Variants in ARHGEF7 observed in about 807,000 individuals in gnomAD.
The protein encoded by ARHGEF7 is Rho guanine nucleotide exchange factor 7.
In ARHGEF7, 33 loss-of-function variants were observed where a neutral mutation model predicts 109.8. The ratio of observed to expected loss-of-function variants is 0.30; its 90% CI spans 0.23 to 0.40. The LOEUF is 0.40. ARHGEF7 is among the 10% of genes least tolerant of loss of function. ARHGEF7 has a pLI of 1.00. For synonymous variants in ARHGEF7, 458 were observed against 424.6 expected, an observed-to-expected ratio of 1.08 and a Z score of -0.97; for missense variants, 938 against 1,098.5, an observed-to-expected ratio of 0.85 and a Z score of 2.07.
In ARHGEF7 at chr13:111,259,288, C is replaced by T. The variant is rs2090824014; in HGVS notation, c.951-8260C>T. On this transcript the variant is annotated intron_variant, in intron 8 of 21. Transcript: ENST00000646102. ...CATGGGCCTTGGGTGCAGTCCAGTG[C>T]TTTGCTGGCTTCAGGTGTGAACCAG... Among the ~76,000 whole-genome samples, 3 of 152,114 alleles carry T rather than the reference C, an allele frequency of 2.0e-5. No homozygotes were observed. The South Asian group carries it at 6.2e-4, about 32-fold the overall frequency.
chr13:111,205,314 AG>A lies in ARHGEF7; in HGVS notation c.282del (p.Gln95ArgfsTer10). On this transcript the variant is annotated frameshift_variant, in exon 3 of 22. Transcript: ENST00000646102. LOFTEE classifies it high-confidence loss of function. The stretch of plus-strand genomic sequence containing the variant: ...ACGTTTGATGCAAATGATTTGTATC[AG>A]GGGCAGAATTTTAACAAGGTCCTCA... Reference protein sequence around the residue: ...LETFDANDLYQGQNFNKVLSS... With the variant: ...LETFDANDLYXGQNFNKVLSS... The A allele has an allele frequency of 1.2e-6, 2 of 1,602,754 alleles. No homozygotes were observed. Among genetic ancestry groups the A allele is most frequent in the Non-Finnish European group, 1.7e-6 (2 of 1,177,442 alleles).
chr13:111,140,184 G>A (rs1315272411), intron 1 of ARHGEF7, among the ~76,000 whole-genome samples: 5 of 152,194 alleles, frequency 3.3e-5, no homozygotes, highest in Non-Finnish European at 7.3e-5. Context: ...GTGCCTGTCT[G>A]TATATGCCAT....
chr13:111,122,499 C>A (rs368689963), intron 1 of ARHGEF7, among the ~76,000 whole-genome samples: 27 of 152,306 alleles, frequency 1.8e-4, no homozygotes, highest in African/African-American at 6.5e-4. Context: ...AGGTTTGATG[C>A]ACCAGGCTGG....
chr13:111,301,519 A>G lies in ARHGEF7; in HGVS notation c.2453A>G (p.Gln818Arg), dbSNP rs777533273. 6.2e-7 allele frequency: 1 copy of G among 1,611,918 alleles called. No individual in the cohort carries two copies. The highest frequency in any genetic ancestry group is 8.5e-7 in the Non-Finnish European group (1 of 1,178,132). ...GTATATGCATTAAAGGATGAAGTTC[A>G]AGAATTAAGACAGGTACGTCATAAT... ...DTVYALKDEV[Q>R]ELRQDNKKMK... The change falls in exon 21 of 22, where the codon CAA (glutamine) becomes CGA (arginine). Residue 818 changes from glutamine to arginine, a missense_variant. Coordinates refer to ENST00000646102, the MANE Select transcript of ARHGEF7 (RefSeq NM_001354046.2).
intron 19 of ARHGEF7, among the ~76,000 whole-genome samples, chr13:111,299,483 T>C (rs997239162): frequency 1.3e-5 from 2 of 151,564 alleles, no homozygotes; most frequent in Non-Finnish European, 2.9e-5. Context: ...GCTGGGACTA[T>C]AGGCGCCTGC....
chr13:111,163,328 T>G (rs2076888893), intron 2 of ARHGEF7, among the ~76,000 whole-genome samples: 1 of 152,204 alleles, frequency 6.6e-6, no homozygotes, highest in Admixed American at 6.5e-5. Context: ...CTTAGTGCCT[T>G]GCTGTACTGT....
chr13:111,234,841 C>T (rs968334722), intron 6 of ARHGEF7, among the ~76,000 whole-genome samples: 5 of 151,906 alleles, frequency 3.3e-5, no homozygotes, highest in African/African-American at 1.2e-4. Flanking sequence ...GCCCACATTA[C>T]CCGAGACACC....
chr13:111,246,379 G>A (rs540592712), intron 8 of ARHGEF7, among the ~76,000 whole-genome samples: 3 of 152,262 alleles, frequency 2.0e-5, no homozygotes, highest in African/African-American at 7.2e-5. Flanking sequence ...ACGTGGTGAG[G>A]GAGTGGCCTT....
chr13:111,188,324 C>T (rs1159902827), intron 2 of ARHGEF7, among the ~76,000 whole-genome samples: 2 of 152,192 alleles, frequency 1.3e-5, no homozygotes, highest in East Asian at 1.9e-4. Flanking sequence ...CTGCCCTGAA[C>T]GCTGACACGC....
chr13:111,285,168 C>T (rs1182487629), intron 16 of ARHGEF7, among the ~76,000 whole-genome samples: 1 of 152,214 alleles, frequency 6.6e-6, no homozygotes. Flanking sequence ...AACTCACCCC[C>T]ATCACCTTCC....
chr13:111,293,041 G>T (rs763611502), intron 19 of ARHGEF7: 35 of 985,378 alleles, frequency 3.6e-5, no homozygotes, highest in Non-Finnish European at 4.0e-5. Flanking sequence ...ATGTTCACTC[G>T]CATCTTCACC....
chr13:111,249,105 A>G (rs1276354607), intron 8 of ARHGEF7, among the ~76,000 whole-genome samples: 2 of 152,160 alleles, frequency 1.3e-5, no homozygotes, highest in African/African-American at 2.4e-5. Context: ...TTAGAGACAG[A>G]ATTCAGGGTC....
chr13:111,242,759 T>C (rs888999667), intron 6 of ARHGEF7, among the ~76,000 whole-genome samples: 2 of 152,230 alleles, frequency 1.3e-5, no homozygotes, highest in Non-Finnish European at 2.9e-5. Flanking sequence ...GGCTCTGCTT[T>C]TCTCAGCTGT....
chr13:111,152,033 A>G (rs192645180), intron 1 of ARHGEF7, among the ~76,000 whole-genome samples: 1 of 152,230 alleles, frequency 6.6e-6, no homozygotes, highest in Admixed American at 6.5e-5. Flanking sequence ...TTAGCCAAGT[A>G]GCTGAGTTCA....
chr13:111,166,884 A>G (rs779725266), intron 2 of ARHGEF7, among the ~76,000 whole-genome samples: 9 of 152,186 alleles, frequency 5.9e-5, no homozygotes, highest in Non-Finnish European at 1.3e-4. Context: ...AGTCTGTATC[A>G]TGTGGAAGAG....
intron 5 of ARHGEF7, among the ~76,000 whole-genome samples, chr13:111,230,348 A>G (rs1400800574): frequency 3.9e-5 from 6 of 152,062 alleles, no homozygotes; most frequent in African/African-American, 1.2e-4. Context: ...TTTCTAATCT[A>G]TTTCCTGGCT....
chr13:111,117,872 G>C (rs1277763155), intron 1 of ARHGEF7, among the ~76,000 whole-genome samples: 1 of 152,148 alleles, frequency 6.6e-6, no homozygotes, highest in East Asian at 1.9e-4. Context: ...AGTTATCTGG[G>C]TTTTTGGTGT....
At chr13:111,244,384 T>G (rs1439619247) in intron 8 of ARHGEF7, 90 bp downstream of exon 8, 18 of 781,658 alleles carry the variant, frequency 2.3e-5, no homozygotes, top group Non-Finnish European at 3.7e-5. Flanking sequence ...AATTCACATT[T>G]CTAAAGATGC....
At chr13:111,197,790 G>A (rs185291167) in intron 2 of ARHGEF7, among the ~76,000 whole-genome samples, 2 of 152,164 alleles carry the variant, frequency 1.3e-5, no homozygotes, top group Admixed American at 6.5e-5. Flanking sequence ...TGGCGGGCCC[G>A]GGTGCCTAAA....
Sources: gnomAD v4.1 joint callset for allele counts (sites outside exome capture counted in the v4.1 genomes callset) on GRCh38, gnomAD v4.1.1 for gene constraint, MANE v1.5 for transcripts, NCBI Gene and HGNC (gene_info 2026-07-23, HGNC 2026-07-21) for gene names.